The following CD177 variants were observed in gnomAD, a reference collection of about 807,000 sequenced individuals.
CD177 encodes CD177 molecule, also known as CD177 antigen.
A neutral mutation model predicts 38.1 loss-of-function variants in CD177; 41 were observed. The ratio of observed to expected loss-of-function variants is 1.07; its 90% confidence interval spans 0.84 to 1.39. The LOEUF (loss-of-function observed/expected upper bound fraction) is 1.39, where lower values mean the gene tolerates loss of function less well. Among genes scored for constraint, CD177 ranks in the 40% most tolerant of loss-of-function variants. CD177 has a pLI of 0.00. For synonymous variants in CD177, 236 were observed against 216.7 expected, an observed-to-expected ratio of 1.09 and a Z score of -0.78; for missense variants, 619 against 523.8, an observed-to-expected ratio of 1.18 and a Z score of -1.77.
chr19:43,354,431 T>G, intron 3 of CD177, 39 bp downstream of exon 3: 1 of 1,602,356 alleles, frequency 6.2e-7, no homozygotes, highest in Non-Finnish European at 8.5e-7. Context: ...GAGGGGCTGC[T>G]AGAAGGGGAT....
At chr19:43,363,518 A>G (rs1022427743), downstream of CD177, among the ~76,000 whole-genome samples, 9 of 152,222 alleles carry the variant, frequency 5.9e-5, no homozygotes, top group African/African-American at 1.7e-4. Flanking sequence ...CCAGCCCACA[A>G]TGATACTGGG....
rs1322809715 is a variant in CD177 at position 43,354,231 on chromosome 19, C to T, written c.218C>T (p.Ser73Phe). 1.2e-6 allele frequency: 2 copies of T among 1,613,522 alleles called. No homozygotes were observed. Among genetic ancestry groups the T allele is most frequent in the Admixed American group, 1.7e-5 (1 of 59,962 alleles). The change falls in exon 3 of 9, where the codon TCC becomes TTC. Residue 73 changes from serine to phenylalanine, a missense_variant. Coordinates refer to ENST00000618265, the MANE Select transcript of CD177 (RefSeq NM_020406.4). The stretch of plus-strand genomic sequence containing the variant: ...GGACCCCAAGTGAGCCTGGTGCTCT[C>T]CAAGGGCTGCACGGAGGCCAAGGAC... ...ESGPQVSLVL[S>F]KGCTEAKDQE...
At chr19:43,361,778 T>TC (rs1969970891) in intron 8 of CD177, among the ~76,000 whole-genome samples, 199 bp downstream of exon 8, 1 of 123,280 alleles carries the variant, frequency 8.1e-6, no homozygotes. Context: ...CCTGGGCTCC[T>TC]GGTCCCAGGG....
In CD177 at chr19:43,354,324, G is replaced by A. The variant is rs1568443134; in HGVS notation, c.311G>A (p.Cys104Tyr). ...GLSLISYTFV[C>Y]RQEDFCNNLV... ...TCCCTGATCTCCTACACCTTCGTGTGCCGCCAGGAGGACTTCTGCAACAAC... is the reference window on the plus strand; with the variant it reads ...TCCCTGATCTCCTACACCTTCGTGTACCGCCAGGAGGACTTCTGCAACAAC... Residue 104 changes from cysteine (C) to tyrosine (Y), a missense_variant, in exon 3 of 9, where the codon TGC becomes TAC. By Grantham distance (194) the Cys-to-Tyr change is radical. Coordinates refer to ENST00000618265, the MANE Select transcript of CD177 (RefSeq NM_020406.4). 1.9e-6 allele frequency: 3 copies of A among 1,613,948 alleles called. No homozygotes were observed. Among genetic ancestry groups the A allele is most frequent in the South Asian group, 1.1e-5 (1 of 91,082 alleles).
chr19:43,362,047 C>T (rs1969977067), intron 8 of CD177, 41 bp from the exon 9 acceptor site: 1 of 1,567,524 alleles, frequency 6.4e-7, no homozygotes, highest in African/African-American at 1.4e-5. Context: ...CTTGGCTGGG[C>T]TGTACTCTGT....
rs760429281 is a variant in CD177 at position 43,361,462 on chromosome 19, G to C, written c.964G>C (p.Asp322His). ...LPPQAAPVPG[D>H]RQCPTCVQPL... is the part of the protein sequence containing the mutation. The stretch of plus-strand genomic sequence containing the variant: ...CTCCCCAGCTGCCCCTGTCCCAGGA[G>C]ACCGGCAGTGTCCTACCTGTGTGCA... Residue 322 changes from aspartate to histidine, a missense_variant, in exon 8 of 9, where the codon GAC (aspartate) becomes CAC (histidine). Transcript: ENST00000618265. The C allele has an allele frequency of 6.3e-7, 1 of 1,583,882 alleles. No homozygotes were observed. The highest frequency in any genetic ancestry group is 2.2e-5 in the East Asian group (1 of 44,754).
At chr19:43,361,948 G>A in intron 8 of CD177, 140 bp from the exon 9 acceptor site, 1 of 680,500 alleles carries the variant, frequency 1.5e-6, no homozygotes, top group Middle Eastern at 3.3e-4. Flanking sequence ...TGGGGGCCTG[G>A]ACCCCTGGGT....
chr19:43,362,395 G>A lies in CD177; in HGVS notation c.*75G>A. 3.1e-6 allele frequency: 2 copies of A among 638,994 alleles called. No homozygotes were observed. Among genetic ancestry groups the A allele is most frequent in the South Asian group, 2.0e-5 (1 of 50,532 alleles). 39.6% of individuals were successfully genotyped at this position (638,994 alleles called of 1,614,324 possible). ...CTCCCTCTGACCTCATAACCTAATG[G>A]CCTTGGACACCAGATTCTTTCCCAT... On this transcript the variant is annotated 3_prime_UTR_variant, in exon 9 of 9. Transcript: ENST00000618265.
At chr19:43,355,116 T>TC (rs1360782734) in intron 3 of CD177, among the ~76,000 whole-genome samples, 1 of 110,088 alleles carries the variant, frequency 9.1e-6, no homozygotes, top group East Asian at 2.5e-4. Context: ...TTTTTTTTTT[T>TC]TTTTTTTTTT....
chr19:43,359,792 T>A (rs1599877364), intron 5 of CD177, among the ~76,000 whole-genome samples: 1 of 108,566 alleles, frequency 9.2e-6, no homozygotes, highest in Middle Eastern at 3.7e-3. Flanking sequence ...TGGGTGGATC[T>A]GTGGGAAGCA....
intron 3 of CD177, among the ~76,000 whole-genome samples, chr19:43,355,104 CTTTTTT>C (rs1156547437): frequency 3.7e-5 from 1 of 26,832 alleles, no homozygotes; most frequent in African/African-American, 1.6e-4. Flanking sequence ...CTTTTCTTTT[CTTTTTT>C]TTTTTTTTTT....
intron 3 of CD177, chr19:43,354,607 C>G: frequency 1.7e-6 from 1 of 601,352 alleles, no homozygotes. Flanking sequence ...ACCTGCCACC[C>G]GGGAATCCCC....
At position 43,360,409 on chromosome 19, in the gene CD177, C is replaced by G; in HGVS notation, c.760+4C>G. The G allele has an allele frequency of 2.5e-6, 4 of 1,590,166 alleles. No individual in the cohort carries two copies. Among genetic ancestry groups the G allele is most frequent in the South Asian group, 2.3e-5 (2 of 87,386 alleles). On this transcript the variant is annotated splice_donor_region_variant and intron_variant, in intron 6 of 8. Transcript: ENST00000618265. ...ACGCTGCTGCTCCTAGATGTAGGTA[C>G]GTGGACTGAGGTAGAAGACGAACAC...
rs562937363 is a variant in CD177, at chr19:43,354,312, A to G, written c.299A>G (p.Tyr100Cys). 12 of 1,613,690 alleles carry G rather than the reference A, an allele frequency of 7.4e-6. No individual in the cohort carries two copies. Among genetic ancestry groups the G allele is most frequent in the East Asian group, 4.5e-5 (2 of 44,860 alleles). The change falls in exon 3 of 9, where the codon TAC becomes TGC. Residue 100 changes from tyrosine (Y) to cysteine (C), a missense_variant. Tyr to Cys is a radical substitution (Grantham distance 194). Transcript: ENST00000618265. The part of the protein sequence containing the change: ...RMGPGLSLIS[Y>C]TFVCRQEDFC... ...GGCCCCGGCCTCTCCCTGATCTCCTACACCTTCGTGTGCCGCCAGGAGGAC... is the reference window on the plus strand; with the variant it reads ...GGCCCCGGCCTCTCCCTGATCTCCTGCACCTTCGTGTGCCGCCAGGAGGAC...
In CD177 at chr19:43,355,104, C is replaced by CTTTTTTTTTT. The variant is rs1156547437; in HGVS notation, c.380-541_380-532dup. ...CCCAAGACACCCCCCCTTTTCTTTT[C>CTTTTTTTTTT]TTTTTTTTTTTTTTTTTTTTTTTTT... On this transcript the variant is annotated intron_variant, in intron 3 of 8. Coordinates refer to ENST00000618265, the MANE Select transcript of CD177 (RefSeq NM_020406.4). Among the ~76,000 whole-genome samples the CTTTTTTTTTT allele has an allele frequency of 9.0e-4, 24 of 26,812 alleles. 2 individuals are homozygous for CTTTTTTTTTT. The highest frequency in any genetic ancestry group is 3.7e-3 in the East Asian group (2 of 534). 17.6% of individuals were successfully genotyped at this position (26,812 alleles called of 152,430 possible).
At chr19:43,354,615 C>G (rs1020749416) in intron 3 of CD177, 6 of 600,150 alleles carry the variant, frequency 1.0e-5, no homozygotes, top group Non-Finnish European at 1.8e-5. Context: ...CCCGGGAATC[C>G]CCGCACCCCT....
In CD177 at chr19:43,362,328, A is replaced by AC; in HGVS notation, c.*13dup. 1 of 1,338,154 alleles carries AC rather than the reference A, an allele frequency of 7.5e-7. No homozygotes were observed. Among genetic ancestry groups the AC allele is most frequent in the Non-Finnish European group, 1.0e-6 (1 of 956,766 alleles). 82.9% of individuals were successfully genotyped at this position (1,338,154 alleles called of 1,614,324 possible). ...GTTTGCCCTTCCTGCTAACTCTATT[A>AC]CCCCCACGATTCTTCACCGCTGCTG... On this transcript the variant is annotated 3_prime_UTR_variant, in exon 9 of 9. Coordinates refer to ENST00000618265, the MANE Select transcript of CD177 (RefSeq NM_020406.4).
In CD177 at chr19:43,353,698, C is replaced by G. The variant is rs1969875150; in HGVS notation, c.-17C>G. 2 of 1,613,668 alleles carry G rather than the reference C, an allele frequency of 1.2e-6. No individual in the cohort carries two copies. The highest frequency in any genetic ancestry group is 1.7e-6 in the Non-Finnish European group (2 of 1,179,794). ...CTGCTGAAAAAGCAGAAAGAGATTA[C>G]CAGCCACAGACGGGTCATGAGCGCG... is the stretch of plus-strand genomic sequence containing the variant. On this transcript the variant is annotated 5_prime_UTR_variant, in exon 1 of 9. Transcript: ENST00000618265.
chr19:43,362,328 AC>A lies in CD177; in HGVS notation c.*13del. The A allele has an allele frequency of 3.0e-6, 4 of 1,338,152 alleles. No individual in the cohort carries two copies. Among genetic ancestry groups the A allele is most frequent in the East Asian group, 2.4e-5 (1 of 42,080 alleles). 82.9% of individuals were successfully genotyped at this position (1,338,152 alleles called of 1,614,324 possible). A position where few individuals can be genotyped will look rare whatever the true frequency, so the allele number is the denominator to read the frequency against. On this transcript the variant is annotated 3_prime_UTR_variant, in exon 9 of 9. Transcript: ENST00000618265. Reference sequence around the variant, plus strand: ...GTTTGCCCTTCCTGCTAACTCTATTACCCCCACGATTCTTCACCGCTGCTGA... The same window carrying A: ...GTTTGCCCTTCCTGCTAACTCTATTACCCCACGATTCTTCACCGCTGCTGA...
Sources: allele counts gnomAD v4.1 joint callset (sites outside exome capture counted in the v4.1 genomes callset), GRCh38; gene constraint gnomAD v4.1.1; transcripts MANE v1.5; gene names NCBI Gene and HGNC (gene_info 2026-07-23, HGNC 2026-07-21).